The following PRKD1 variants were observed in gnomAD, a reference collection of about 807,000 sequenced individuals.
PRKD1 encodes the protein serine/threonine-protein kinase D1.
In PRKD1, 63 loss-of-function variants were observed where a neutral mutation model predicts 95.9. The observed-to-expected ratio is 0.66, with a 90% confidence interval of 0.54 to 0.81. The LOEUF (loss-of-function observed/expected upper bound fraction) is 0.81. PRKD1 is among the 30% of genes least tolerant of loss of function. The pLI is 0.00. For synonymous variants in PRKD1, 425 were observed against 423.1 expected, an observed-to-expected ratio of 1.00 and a Z score of -0.05; for missense variants, 1,048 against 1,165.3, an observed-to-expected ratio of 0.90 and a Z score of 1.47.
intron 4 of PRKD1, among the ~76,000 whole-genome samples, chr14:29,644,371 G>C (rs1880989204): frequency 1.3e-5 from 2 of 152,142 alleles, no homozygotes; most frequent in Non-Finnish European, 2.9e-5. Context: ...TCATATTAAT[G>C]GGTGGCCCTC....
chr14:29,661,682 G>A (rs1468746018), intron 4 of PRKD1, among the ~76,000 whole-genome samples: 1 of 152,130 alleles, frequency 6.6e-6, no homozygotes, highest in African/African-American at 2.4e-5. Context: ...ATGATTCTGA[G>A]AACCAGTGTG....
At chr14:29,637,513 C>T (rs1376338837) in intron 6 of PRKD1, among the ~76,000 whole-genome samples, 1 of 152,090 alleles carries the variant, frequency 6.6e-6, no homozygotes, top group African/African-American at 2.4e-5. Context: ...AAGTAATCAA[C>T]AACATCAAAA....
intron 2 of PRKD1, among the ~76,000 whole-genome samples, chr14:29,693,723 C>T (rs1473320014): frequency 2.0e-5 from 3 of 151,134 alleles, no homozygotes; most frequent in African/African-American, 7.3e-5. Context: ...ATTTCAAATC[C>T]ATATTATCTT....
chr14:29,583,398 C>G (rs45471698), intron 16 of PRKD1, among the ~76,000 whole-genome samples: 2,290 of 152,110 alleles, frequency 0.015, 45 homozygotes, highest in African/African-American at 0.05. Context: ...TTGAATACCC[C>G]CACCTCACAC....
At chr14:29,651,321 A>G (rs552803882) in intron 4 of PRKD1, among the ~76,000 whole-genome samples, 5 of 152,350 alleles carry the variant, frequency 3.3e-5, no homozygotes, top group Admixed American at 6.5e-5. Flanking sequence ...GATACCACTA[A>G]AAACTGGGCT....
At chr14:29,705,092 A>G (rs1475057220) in intron 2 of PRKD1, among the ~76,000 whole-genome samples, 2 of 152,150 alleles carry the variant, frequency 1.3e-5, no homozygotes, top group Non-Finnish European at 2.9e-5. Context: ...TACTATAGCC[A>G]AATCCTTTGA....
At chr14:29,665,569 T>C (rs1008655902) in intron 3 of PRKD1, among the ~76,000 whole-genome samples, 45 of 152,274 alleles carry the variant, frequency 3.0e-4, no homozygotes, top group South Asian at 2.5e-3. Context: ...TTTGTTCTTT[T>C]TCATGGCTGA....
At chr14:29,748,158 C>T (rs151265785) in intron 1 of PRKD1, among the ~76,000 whole-genome samples, 18 of 152,156 alleles carry the variant, frequency 1.2e-4, no homozygotes, top group Middle Eastern at 3.4e-3. Flanking sequence ...CAATATTTTC[C>T]CAATAGAAAA....
chr14:29,676,018 T>C (rs12323423), intron 2 of PRKD1, among the ~76,000 whole-genome samples: 64,775 of 141,408 alleles, frequency 0.46, 16,408 homozygotes, highest in African/African-American at 0.66. Flanking sequence ...TTAGGAGATA[T>C]ACCTAATGTA....
intron 2 of PRKD1, among the ~76,000 whole-genome samples, chr14:29,676,192 T>TTTG (rs1555334435): frequency 2.3e-5 from 3 of 128,528 alleles, no homozygotes; most frequent in African/African-American, 6.2e-5. Flanking sequence ...TGTTTTTTTT[T>TTTG]TTTTTTTTTT....
At chr14:29,647,705 G>A (rs543108071) in intron 4 of PRKD1, among the ~76,000 whole-genome samples, 1 of 152,310 alleles carries the variant, frequency 6.6e-6, no homozygotes, top group African/African-American at 2.4e-5. Context: ...CCACAAAGGT[G>A]AGAGCCTCTC....
intron 1 of PRKD1, among the ~76,000 whole-genome samples, chr14:29,902,486 A>C (rs1894351554): frequency 6.6e-6 from 1 of 152,194 alleles, no homozygotes; most frequent in South Asian, 2.1e-4. Context: ...AATTTCCTTT[A>C]GAAGGTATTT....
At chr14:29,599,185 C>T in intron 14 of PRKD1, 60 bp from the exon 15 acceptor site, 1 of 1,448,686 alleles carries the variant, frequency 6.9e-7, no homozygotes. Context: ...TGTCTTCTAC[C>T]AGTTAAAAGG....
chr14:29,910,705 C>T (rs1265854145), intron 1 of PRKD1, among the ~76,000 whole-genome samples: 1 of 152,118 alleles, frequency 6.6e-6, no homozygotes, highest in African/African-American at 2.4e-5. Context: ...CTTGTTAGGA[C>T]AAAGAGGTAA....
chr14:29,841,650 C>T (rs1186647202), intron 1 of PRKD1, among the ~76,000 whole-genome samples: 1 of 152,142 alleles, frequency 6.6e-6, no homozygotes, highest in African/African-American at 2.4e-5. Context: ...AACTATAAGT[C>T]CATTAAACCT....
intron 1 of PRKD1, among the ~76,000 whole-genome samples, chr14:29,831,846 T>C (rs1264468089): frequency 6.6e-6 from 1 of 152,140 alleles, no homozygotes; most frequent in African/African-American, 2.4e-5. Context: ...TATAGAATTA[T>C]TTTTATTCAT....
intron 1 of PRKD1, among the ~76,000 whole-genome samples, chr14:29,832,227 T>C (rs111988773): frequency 0.01 from 1,572 of 152,310 alleles, 30 homozygotes; most frequent in African/African-American, 0.036. Flanking sequence ...AAAACTTCTC[T>C]AATTCATGAC....
At chr14:29,911,915 A>G (rs1330877497) in intron 1 of PRKD1, among the ~76,000 whole-genome samples, 1 of 152,098 alleles carries the variant, frequency 6.6e-6, no homozygotes, top group South Asian at 2.1e-4. Context: ...TAATTCCAAC[A>G]TCTTGTTTCT....
At chr14:29,695,133 C>CT (rs1265793177) in intron 2 of PRKD1, among the ~76,000 whole-genome samples, 4 of 151,086 alleles carry the variant, frequency 2.6e-5, no homozygotes, top group African/African-American at 9.7e-5. Context: ...ACTCAGGAGG[C>CT]TGAGGCAGGA....
Sources: gnomAD v4.1 joint callset for allele counts (sites outside exome capture counted in the v4.1 genomes callset) on GRCh38, gnomAD v4.1.1 for gene constraint, MANE v1.5 for transcripts, NCBI Gene and HGNC (gene_info 2026-07-23, HGNC 2026-07-21) for gene names.